ARMH4: variants seen among roughly 807,000 people sequenced by gnomAD.
ARMH4 encodes armadillo like helical domain containing 4.
A neutral mutation model predicts 61.9 loss-of-function variants in ARMH4; 49 were observed. That is an observed-to-expected ratio of 0.79 (90% confidence interval 0.63 to 1.00). The LOEUF (loss-of-function observed/expected upper bound fraction) is 1.00. Ranked by LOEUF, ARMH4 falls within the 50% of genes least tolerant of loss-of-function variation. The probability of loss-of-function intolerance (pLI) is 0.00; values close to 1 mark genes in which losing one functional copy is unlikely to be tolerated. For synonymous variants in ARMH4, 368 were observed against 341.5 expected, an observed-to-expected ratio of 1.08 and a Z score of -0.85; for missense variants, 934 against 930.0, an observed-to-expected ratio of 1.00 and a Z score of -0.06.
At chr14:58,061,894 A>T (rs1489248476) in intron 5 of ARMH4, among the ~76,000 whole-genome samples, 2 of 152,074 alleles carry the variant, frequency 1.3e-5, no homozygotes, top group Admixed American at 6.6e-5. Flanking sequence ...GTCAGAATCC[A>T]GCTTGCACTG....
intron 5 of ARMH4, among the ~76,000 whole-genome samples, chr14:58,089,987 T>C (rs746401925): frequency 1.2e-4 from 18 of 152,202 alleles, no homozygotes; most frequent in Non-Finnish European, 2.5e-4. Flanking sequence ...TCAATGAATA[T>C]CTGGTTAAAA....
At chr14:58,089,795 A>G (rs1404257004) in intron 5 of ARMH4, among the ~76,000 whole-genome samples, 2 of 152,200 alleles carry the variant, frequency 1.3e-5, no homozygotes, top group Admixed American at 6.5e-5. Context: ...CACACCTCAA[A>G]TGAGATGGCT....
chr14:58,044,673 C>T (rs1566555325), intron 5 of ARMH4, among the ~76,000 whole-genome samples: 1 of 152,118 alleles, frequency 6.6e-6, no homozygotes, highest in Non-Finnish European at 1.5e-5. Context: ...TCAGAGTGAA[C>T]AGGCAACCTA....
chr14:58,120,990 C>T (rs1470217812), intron 4 of ARMH4, among the ~76,000 whole-genome samples: 1 of 152,130 alleles, frequency 6.6e-6, no homozygotes, highest in Non-Finnish European at 1.5e-5. Context: ...TTAAATAAAA[C>T]CCATCTGATG....
At chr14:58,012,418 T>C (rs1288599665) in intron 5 of ARMH4, among the ~76,000 whole-genome samples, 2 of 152,176 alleles carry the variant, frequency 1.3e-5, no homozygotes, top group South Asian at 2.1e-4. Context: ...GAATGATTAG[T>C]GGGGAGGTGT....
chr14:58,121,121 C>A (rs1886708932), intron 4 of ARMH4, among the ~76,000 whole-genome samples: 1 of 152,166 alleles, frequency 6.6e-6, no homozygotes, highest in South Asian at 2.1e-4. Context: ...AGATATCTAT[C>A]TTACCTCTTC....
intron 5 of ARMH4, among the ~76,000 whole-genome samples, chr14:58,052,896 C>G (rs978897644): frequency 2.0e-5 from 3 of 152,066 alleles, no homozygotes; most frequent in African/African-American, 7.2e-5. Context: ...CCTACTCTTC[C>G]CCTAACTCAG....
chr14:58,086,129 T>C (rs551205517), intron 5 of ARMH4, among the ~76,000 whole-genome samples: 234 of 152,292 alleles, frequency 1.5e-3, no homozygotes, highest in African/African-American at 5.3e-3. Context: ...TAACTATTTG[T>C]AAATTTTTAA....
intron 5 of ARMH4, among the ~76,000 whole-genome samples, chr14:58,093,322 T>C (rs971214198): frequency 7.2e-5 from 11 of 152,020 alleles, no homozygotes; most frequent in Admixed American, 4.6e-4. Flanking sequence ...GCCTCCTGAG[T>C]AGCTGGGACT....
intron 5 of ARMH4, among the ~76,000 whole-genome samples, chr14:58,059,394 C>T (rs1884457517): frequency 6.6e-6 from 1 of 152,222 alleles, no homozygotes; most frequent in South Asian, 2.1e-4. Flanking sequence ...AGTGATATCA[C>T]TGTAGAAAGC....
At position 58,000,877 on chromosome 14, in the gene ARMH4, G is replaced by C. The variant is rs1051307690; in HGVS notation, c.*3859C>G. On this transcript the variant is annotated 3_prime_UTR_variant, in exon 8 of 8. Transcript: ENST00000267485. ...CAAAGTGCTGGGATTACAGGCGTGAGCCACCACACCCGGCCCTCTTAACAA... is the reference window on the plus strand; with the variant it reads ...CAAAGTGCTGGGATTACAGGCGTGACCCACCACACCCGGCCCTCTTAACAA... 1.3e-5 allele frequency: 2 copies of C among 152,450 alleles called. No individual in the cohort carries two copies. The highest frequency in any genetic ancestry group is 4.8e-5 in the African/African-American group (2 of 41,438). The allele number at this position is 152,450 out of a possible 1,614,324, so 9.4% of individuals were successfully genotyped here.
chr14:58,041,627 C>T (rs1009696842), intron 5 of ARMH4, among the ~76,000 whole-genome samples: 2 of 152,072 alleles, frequency 1.3e-5, no homozygotes, highest in Non-Finnish European at 2.9e-5. Context: ...GCTAAATGCT[C>T]CAATTAAAAG....
chr14:58,020,074 A>C (rs1420981635), intron 5 of ARMH4, among the ~76,000 whole-genome samples: 1 of 152,228 alleles, frequency 6.6e-6, no homozygotes, highest in Admixed American at 6.5e-5. Context: ...CCTCACAAAA[A>C]TTCTGCAAGG....
chr14:58,011,601 T>C (rs1244312115), intron 6 of ARMH4, among the ~76,000 whole-genome samples: 2 of 152,012 alleles, frequency 1.3e-5, no homozygotes, highest in Non-Finnish European at 2.9e-5. Context: ...AAATGAACAA[T>C]ATCAACCTGG....
rs377061784 is a variant in ARMH4, at chr14:58,133,103, A to T, written c.1608T>A (p.Thr536=). 4 of 1,614,182 alleles carry T rather than the reference A, an allele frequency of 2.5e-6. No homozygotes were observed. Among genetic ancestry groups the T allele is most frequent in the Non-Finnish European group, 3.4e-6 (4 of 1,180,036 alleles). The change falls in exon 3 of 8, where the codon ACT becomes ACA. Residue 536 remains threonine, a synonymous_variant. Coordinates refer to ENST00000267485, the MANE Select transcript of ARMH4 (RefSeq NM_001001872.4). ...TTVVPLSFEV[T]PTVEEQMDTV... ...TCCCTTACAGACCTTCCACAGTGGG[A>T]GTAACTTCAAAAGACAAAGGGACGA...
At chr14:58,144,905 A>C (rs11628678) in intron 1 of ARMH4, among the ~76,000 whole-genome samples, 66,912 of 151,966 alleles carry the variant, frequency 0.44, 15,685 homozygotes, top group Non-Finnish European at 0.54. Context: ...TAGCTGTGAA[A>C]CAAGAGAATT....
intron 5 of ARMH4, among the ~76,000 whole-genome samples, chr14:58,020,148 C>A (rs1342015119): frequency 6.6e-6 from 1 of 152,174 alleles, no homozygotes; most frequent in Non-Finnish European, 1.5e-5. Context: ...CTCACAGTCA[C>A]ACAGCTAAAG....
At chr14:58,116,826 C>T (rs1386635122) in intron 4 of ARMH4, among the ~76,000 whole-genome samples, 2 of 152,128 alleles carry the variant, frequency 1.3e-5, no homozygotes, top group Non-Finnish European at 2.9e-5. Flanking sequence ...ATTTACTGCC[C>T]ACAACAACTC....
chr14:58,138,907 G>C lies in ARMH4; in HGVS notation c.452C>G (p.Ala151Gly). 1 of 1,614,212 alleles carries C rather than the reference G, an allele frequency of 6.2e-7. No homozygotes were observed. Among genetic ancestry groups the C allele is most frequent in the Non-Finnish European group, 8.5e-7 (1 of 1,180,028 alleles). ...AKAMLTIAIT[A>G]TPSLTVDEKE... ...TTCATCAACAGTCAGAGAAGGAGTC[G>C]CAGTGATAGCAATGGTTAACATGGC... The change falls in exon 2 of 8, where the codon GCG becomes GGG. Residue 151 changes from alanine (A) to glycine (G), a missense_variant. Coordinates refer to ENST00000267485, the MANE Select transcript of ARMH4 (RefSeq NM_001001872.4).
Sources: gnomAD v4.1 joint callset for allele counts (sites outside exome capture counted in the v4.1 genomes callset) on GRCh38, gnomAD v4.1.1 for gene constraint, MANE v1.5 for transcripts, NCBI Gene and HGNC (gene_info 2026-07-23, HGNC 2026-07-21) for gene names.